Variants in RTTN observed in about 807,000 individuals in gnomAD.
The protein encoded by RTTN is rotatin.
RTTN carries 182 observed loss-of-function variants against 269.2 expected under a neutral mutation model. That is an observed-to-expected ratio of 0.68 (90% CI 0.60 to 0.76). RTTN has a LOEUF of 0.76. Ranked by LOEUF, RTTN falls within the 30% of genes least tolerant of loss-of-function variation. The pLI is 0.00. For synonymous variants in RTTN, 1,006 were observed against 963.5 expected (o/e 1.04, Z -0.82); for missense variants, 2,545 against 2,608.6 (o/e 0.98, Z 0.53).
intron 40 of RTTN, among the ~76,000 whole-genome samples, chr18:70,033,973 C>T (rs1300011853): frequency 1.3e-5 from 2 of 152,064 alleles, no homozygotes; most frequent in African/African-American, 4.8e-5. Flanking sequence ...TGGATGAATT[C>T]CTGGCCACAT....
At position 70,166,058 on chromosome 18, in the gene RTTN, T is replaced by A; in HGVS notation, c.1929+4A>T. ...ACAAAACATACGAAAAAACAAAACC[T>A]CACCTTCGTGATTTCCAGACAGCAG... On this transcript the variant is annotated splice_donor_region_variant and intron_variant, in intron 14 of 48. Coordinates refer to ENST00000640769, the MANE Select transcript of RTTN (RefSeq NM_173630.4). 1 of 1,613,246 alleles carries A rather than the reference T, an allele frequency of 6.2e-7. No homozygotes were observed. Among genetic ancestry groups the A allele is most frequent in the Non-Finnish European group, 8.5e-7 (1 of 1,179,502 alleles).
At chr18:70,170,980 G>C (rs969473016) in intron 11 of RTTN, among the ~76,000 whole-genome samples, 13 of 152,106 alleles carry the variant, frequency 8.5e-5, no homozygotes, top group Admixed American at 8.5e-4. Flanking sequence ...TACCGAGACA[G>C]GCAAGACTAT....
chr18:70,071,018 C>T (rs1267238353), intron 34 of RTTN, among the ~76,000 whole-genome samples: 2 of 152,164 alleles, frequency 1.3e-5, no homozygotes, highest in African/African-American at 2.4e-5. Context: ...AGAAACCTCA[C>T]TGTCCCTTGA....
chr18:70,040,206 C>T (rs2057299182), intron 40 of RTTN, among the ~76,000 whole-genome samples: 1 of 151,880 alleles, frequency 6.6e-6, no homozygotes, highest in African/African-American at 2.4e-5. Flanking sequence ...AAAACAATGC[C>T]CACTTATCTG....
intron 12 of RTTN, 49 bp from the exon 13 acceptor site, chr18:70,167,080 G>A (rs2061007432): frequency 2.4e-6 from 3 of 1,230,314 alleles, no homozygotes; most frequent in Non-Finnish European, 3.6e-6. Flanking sequence ...CATGTGCAAT[G>A]ATATTCTCAA....
intron 13 of RTTN, 65 bp downstream of exon 13, chr18:70,166,848 ACTGTTT>A: frequency 2.1e-6 from 2 of 974,556 alleles, no homozygotes; most frequent in Non-Finnish European, 3.1e-6. Context: ...TTTCACTTTC[ACTGTTT>A]CTAAGTTTAC....
At position 70,168,907 on chromosome 18, in the gene RTTN, G is replaced by C. The variant is rs756020131; in HGVS notation, c.1637C>G (p.Ala546Gly). The change falls in exon 12 of 49, where the codon GCC becomes GGC. Residue 546 changes from alanine to glycine, a missense_variant. By Grantham distance (60) the Ala-to-Gly change is moderately conservative (BLOSUM62 0). Transcript: ENST00000640769. ...NYSIYKRTAEAVYSIECTCNF... is the reference protein window; with the variant it reads ...NYSIYKRTAEGVYSIECTCNF... Reference sequence around the variant, plus strand: ...ACAGGTGCATTCAATTGAATAAACGGCCTCTGCAGTTCGTTTATAAATACT... The same window carrying C: ...ACAGGTGCATTCAATTGAATAAACGCCCTCTGCAGTTCGTTTATAAATACT... 1.9e-6 allele frequency: 3 copies of C among 1,613,108 alleles called. No individual in the cohort carries two copies. Among genetic ancestry groups the C allele is most frequent in the Non-Finnish European group, 1.7e-6 (2 of 1,179,646 alleles).
intron 28 of RTTN, among the ~76,000 whole-genome samples, chr18:70,094,062 G>C (rs1215577876): frequency 6.8e-6 from 1 of 146,940 alleles, no homozygotes; most frequent in East Asian, 2.1e-4. Flanking sequence ...ATTTCTTCTA[G>C]ATTTTCTAGT....
intron 28 of RTTN, among the ~76,000 whole-genome samples, chr18:70,103,266 C>A (rs1170928501): frequency 6.6e-6 from 1 of 151,964 alleles, no homozygotes; most frequent in Non-Finnish European, 1.5e-5. Context: ...GAAGAGACAG[C>A]GACCATCGAG....
chr18:70,042,366 C>CTTTTTTTTT (rs1017125527), intron 40 of RTTN, among the ~76,000 whole-genome samples: 2 of 78,068 alleles, frequency 2.6e-5, no homozygotes, highest in African/African-American at 4.9e-5. Flanking sequence ...TTGGAATTTT[C>CTTTTTTTTT]TTTTTTTTTT....
intron 19 of RTTN, among the ~76,000 whole-genome samples, chr18:70,141,042 T>C (rs1309541005): frequency 1.3e-5 from 2 of 152,210 alleles, no homozygotes. Context: ...AGGCATACTT[T>C]TGAAATGTTA....
chr18:70,028,118 A>G (rs2056904913), intron 43 of RTTN, among the ~76,000 whole-genome samples: 1 of 152,244 alleles, frequency 6.6e-6, no homozygotes, highest in Non-Finnish European at 1.5e-5. Flanking sequence ...TTGTAAAACT[A>G]TAGACAAAGC....
At chr18:70,102,928 C>T (rs1191630914) in intron 28 of RTTN, among the ~76,000 whole-genome samples, 4 of 151,750 alleles carry the variant, frequency 2.6e-5, no homozygotes, top group African/African-American at 9.7e-5. Context: ...AGCGCCTCTG[C>T]CCGGGCGCCC....
intron 28 of RTTN, among the ~76,000 whole-genome samples, chr18:70,101,431 A>G (rs1242701389): frequency 6.6e-6 from 1 of 151,954 alleles, no homozygotes; most frequent in Non-Finnish European, 1.5e-5. Context: ...TATCCCCTTT[A>G]TCATTTTTTA....
At chr18:70,071,059 C>T (rs372279584) in intron 34 of RTTN, among the ~76,000 whole-genome samples, 4 of 152,154 alleles carry the variant, frequency 2.6e-5, no homozygotes, top group African/African-American at 9.7e-5. Context: ...TCAATCACAT[C>T]TGGCCTTAGA....
chr18:70,126,973 T>G (rs1169147994), intron 25 of RTTN, among the ~76,000 whole-genome samples: 1 of 152,192 alleles, frequency 6.6e-6, no homozygotes, highest in Non-Finnish European at 1.5e-5. Flanking sequence ...TCAGTCTTGT[T>G]GCAAATGCAA....
Position 70,204,260 on chromosome 18 carries a change from G to C in RTTN, c.223C>G (p.Pro75Ala), listed in dbSNP as rs767496468. 7 of 1,601,140 alleles carry C rather than the reference G, an allele frequency of 4.4e-6. No homozygotes were observed. The Admixed American group carries it at 8.8e-5, about 20-fold the overall frequency. The change falls in exon 3 of 49, where the codon CCC (proline) becomes GCC (alanine). Residue 75 changes from proline to alanine, a missense_variant. Coordinates refer to ENST00000640769, the MANE Select transcript of RTTN (RefSeq NM_173630.4). ...TCAACCAAATGTTGGACTGCTGGGG[G>C]ATACTAAAATAAGAAGAGGATGATC... ...LNLLSRLVKY[P>A]PAVQHLVDVG...
chr18:70,087,877 G>A lies in RTTN; in HGVS notation c.4302+112C>T, dbSNP rs17232744. 26,403 of 1,109,560 alleles carry A rather than the reference G, an allele frequency of 0.024. 427 individuals are homozygous for A. The highest frequency in any genetic ancestry group is 0.05 in the Admixed American group (2,137 of 42,662). The allele number at this position is 1,109,560 out of a possible 1,614,324, so 68.7% of individuals were successfully genotyped here. A position where few individuals can be genotyped will look rare whatever the true frequency, so the allele number is the denominator to read the frequency against. On this transcript the variant is annotated intron_variant, in intron 31 of 48. Transcript: ENST00000640769. ...CATTTTGTTTGGGTGTTCACAGACA[G>A]AAGAGATCATGGTCAGTGGTCAGTC... is the stretch of plus-strand genomic sequence containing the variant.
At chr18:70,156,827 A>T (rs2060691114) in intron 14 of RTTN, among the ~76,000 whole-genome samples, 1 of 152,170 alleles carries the variant, frequency 6.6e-6, no homozygotes, top group South Asian at 2.1e-4. Context: ...ATACTCCTCT[A>T]GGTGGCTTTA....
Sources: gnomAD v4.1 joint callset for allele counts (sites outside exome capture counted in the v4.1 genomes callset) on GRCh38, gnomAD v4.1.1 for gene constraint, MANE v1.5 for transcripts, NCBI Gene and HGNC (gene_info 2026-07-23, HGNC 2026-07-21) for gene names.